The following ATP2B2 variants were observed in gnomAD, a reference collection of about 807,000 sequenced individuals.
ATP2B2 encodes the protein plasma membrane calcium-transporting ATPase 2.
In ATP2B2, 15 loss-of-function variants were observed where a neutral mutation model predicts 120.0. That is an observed-to-expected ratio of 0.12 (90% CI 0.08 to 0.19). ATP2B2 has a LOEUF of 0.19. Ranked by LOEUF, ATP2B2 falls within the 10% of genes least tolerant of loss-of-function variation. The pLI is 1.00. For synonymous variants in ATP2B2, 694 were observed against 700.3 expected, an observed-to-expected ratio of 0.99 and a Z score of 0.14; for missense variants, 1,045 against 1,719.8, an observed-to-expected ratio of 0.61 and a Z score of 6.94.
intron 22 of ATP2B2, among the ~76,000 whole-genome samples, chr3:10,336,526 C>A (rs1230241762): frequency 6.6e-6 from 1 of 152,326 alleles, no homozygotes; most frequent in Non-Finnish European, 1.5e-5. Flanking sequence ...GGGGGTCCGG[C>A]CTTTGTCCTG....
At chr3:10,414,750 G>T (rs57986330) in intron 2 of ATP2B2, among the ~76,000 whole-genome samples, 1 of 151,976 alleles carries the variant, frequency 6.6e-6, no homozygotes, top group Non-Finnish European at 1.5e-5. Flanking sequence ...GTGAGGGGTC[G>T]GCACAGAGCA....
In ATP2B2 at chr3:10,420,159, C is replaced by T. The variant is rs985836074; in HGVS notation, c.200-9344G>A. On this transcript the variant is annotated intron_variant, in intron 2 of 22. Transcript: ENST00000360273. ...GTGGCACAGGCTGAGTGGGGGAGGG[C>T]ACCACGTGCTTCATATCCTGTCAGA... 3.3e-5 allele frequency among the ~76,000 whole-genome samples: 5 copies of T among 152,302 alleles called. No individual in the cohort carries two copies. The South Asian group carries it at 6.2e-4, about 19-fold the overall frequency.
intron 22 of ATP2B2, chr3:10,330,160 T>A (rs1245851828): frequency 6.5e-6 from 1 of 154,320 alleles, no homozygotes. Flanking sequence ...GTTCTTTCAT[T>A]TTCTGTCTCA....
At chr3:10,574,568 G>A (rs1420442205) in intron 2 of ATP2B2, among the ~76,000 whole-genome samples, 4 of 152,024 alleles carry the variant, frequency 2.6e-5, no homozygotes, top group Middle Eastern at 3.4e-3. Flanking sequence ...CTCCCTGGTG[G>A]GCATTTTGGG....
chr3:10,557,889 A>G (rs1283620990), intron 2 of ATP2B2, among the ~76,000 whole-genome samples: 2 of 152,068 alleles, frequency 1.3e-5, no homozygotes, highest in East Asian at 3.9e-4. Flanking sequence ...GGAGGAGGGC[A>G]AACTCGAAGA....
chr3:10,552,533 T>G (rs375643488), intron 2 of ATP2B2, among the ~76,000 whole-genome samples: 3 of 152,362 alleles, frequency 2.0e-5, no homozygotes, highest in South Asian at 4.1e-4. Context: ...AGAAAGGCAA[T>G]CCAGAACCTC....
At chr3:10,588,033 G>C (rs1009890406) in intron 2 of ATP2B2, among the ~76,000 whole-genome samples, 1 of 152,208 alleles carries the variant, frequency 6.6e-6, no homozygotes, top group African/African-American at 2.4e-5. Flanking sequence ...ACACTGAGGA[G>C]TATTCTCTCG....
At chr3:10,359,835 T>C in intron 13 of ATP2B2, 47 bp downstream of exon 13, 1 of 1,612,914 alleles carries the variant, frequency 6.2e-7, no homozygotes, top group Non-Finnish European at 8.5e-7. Context: ...CCCAGCTCCC[T>C]GCACCAGGGC....
chr3:10,510,437 G>A (rs996765253), upstream of ATP2B2, among the ~76,000 whole-genome samples: 4 of 152,272 alleles, frequency 2.6e-5, no homozygotes, highest in African/African-American at 9.6e-5. Flanking sequence ...AGGAGGCCCT[G>A]TGGCGAGCCC....
At position 10,388,116 on chromosome 3, in the gene ATP2B2, T is replaced by C. The variant is rs907611831; in HGVS notation, c.907+161A>G. The stretch of plus-strand genomic sequence containing the variant: ...ACCTGGAGATGGAACAGACAGAGCC[T>C]ACCTGGCCCATGCAGGCCTTAAGGA... On this transcript the variant is annotated intron_variant, in intron 6 of 22. Transcript: ENST00000360273. 3.0e-6 allele frequency: 3 copies of C among 1,001,490 alleles called. No homozygotes were observed. In the African/African-American group the frequency reaches 4.8e-5, roughly 16 times the overall value. 62.0% of individuals were successfully genotyped at this position (1,001,490 alleles called of 1,614,324 possible).
intron 1 of ATP2B2, among the ~76,000 whole-genome samples, chr3:10,684,543 C>T (rs1009493585): frequency 7.2e-5 from 11 of 152,320 alleles, no homozygotes; most frequent in African/African-American, 2.6e-4. Flanking sequence ...TTAATAGGTT[C>T]ATTCAACAAT....
At chr3:10,706,731 T>G (rs2071902150) in intron 1 of ATP2B2, among the ~76,000 whole-genome samples, 1 of 139,824 alleles carries the variant, frequency 7.2e-6, no homozygotes, top group African/African-American at 2.6e-5. Flanking sequence ...GAATATTAAC[T>G]CATTCAGCCA....
At position 10,328,499 on chromosome 3, in the gene ATP2B2, G is replaced by A. The variant is rs1438053430; in HGVS notation, c.*315C>T. 1.3e-5 allele frequency: 5 copies of A among 384,664 alleles called. No individual in the cohort carries two copies. Among genetic ancestry groups the A allele is most frequent in the Admixed American group, 4.2e-5 (1 of 23,674 alleles). The allele number at this position is 384,664 out of a possible 1,614,324, so 23.8% of individuals were successfully genotyped here. On this transcript the variant is annotated 3_prime_UTR_variant, in exon 23 of 23. Coordinates refer to ENST00000360273, the MANE Select transcript of ATP2B2 (RefSeq NM_001001331.4). The stretch of plus-strand genomic sequence containing the variant: ...TGTACAGTACATTCATGCGGGGGAC[G>A]TGGTGGCTGGGCGGGTGCATGGCTG...
chr3:10,576,239 G>A (rs1453914442), intron 2 of ATP2B2, among the ~76,000 whole-genome samples: 1 of 152,142 alleles, frequency 6.6e-6, no homozygotes, highest in Non-Finnish European at 1.5e-5. Context: ...GATGTCCTGC[G>A]CACACTCGGC....
At chr3:10,519,199 G>A (rs554973332) in intron 3 of ATP2B2, among the ~76,000 whole-genome samples, 9 of 152,274 alleles carry the variant, frequency 5.9e-5, no homozygotes, top group Admixed American at 1.3e-4. Flanking sequence ...TCTGTACTCC[G>A]GGCACTGTGC....
intron 1 of ATP2B2, among the ~76,000 whole-genome samples, chr3:10,621,887 C>A (rs1006088178): frequency 6.6e-6 from 1 of 152,252 alleles, no homozygotes; most frequent in African/African-American, 2.4e-5. Flanking sequence ...GCTGACCAGG[C>A]TGTGCTCCCG....
intron 1 of ATP2B2, among the ~76,000 whole-genome samples, chr3:10,465,891 C>A (rs533058754): frequency 6.6e-6 from 1 of 152,202 alleles, no homozygotes; most frequent in Non-Finnish European, 1.5e-5. Flanking sequence ...GAGTTGGTCC[C>A]TAACCACCAG....
chr3:10,668,939 C>T (rs2071021306), intron 1 of ATP2B2, among the ~76,000 whole-genome samples: 1 of 152,254 alleles, frequency 6.6e-6, no homozygotes, highest in Non-Finnish European at 1.5e-5. Context: ...GAGAGCCGCA[C>T]TGTTCTGTCC....
At position 10,568,514 on chromosome 3, in the gene ATP2B2, G is replaced by A. The variant is rs116385446; in HGVS notation, c.-414-34381C>T. On this transcript the variant is annotated intron_variant, in intron 2 of 21. Coordinates refer to the ATP2B2 transcript ENST00000646379. ...AAGCTTGAAACAGACAGGTTCAGGA[G>A]GCTGAAACTCAGGGGGAAGCTTGCT... 4.1e-3 allele frequency among the ~76,000 whole-genome samples: 625 copies of A among 152,346 alleles called. 4 individuals carry two copies. The highest frequency in any genetic ancestry group is 0.014 in the Middle Eastern group (4 of 294).
Sources: allele counts gnomAD v4.1 joint callset (sites outside exome capture counted in the v4.1 genomes callset), GRCh38; gene constraint gnomAD v4.1.1; transcripts MANE v1.5; gene names NCBI Gene and HGNC (gene_info 2026-07-23, HGNC 2026-07-21).